Variants in CLSTN2 observed in about 807,000 individuals in gnomAD.
The protein encoded by CLSTN2 is calsyntenin 2.
CLSTN2 carries 48 observed loss-of-function variants against 101.2 expected under a neutral mutation model. The ratio of observed to expected loss-of-function variants is 0.47; its 90% CI spans 0.38 to 0.60. CLSTN2 has a LOEUF of 0.60. CLSTN2 is among the 20% of genes least tolerant of loss of function. The pLI is 0.00. For missense variants in CLSTN2, 1,160 were observed against 1,238.2 expected (o/e 0.94, Z 0.95); for synonymous variants, 481 against 463.6 (o/e 1.04, Z -0.48).
intron 2 of CLSTN2, among the ~76,000 whole-genome samples, chr3:140,225,001 CGCCA>C (rs1320993460): frequency 6.6e-6 from 1 of 152,228 alleles, no homozygotes; most frequent in Non-Finnish European, 1.5e-5. Context: ...CCAGCAAGTG[CGCCA>C]GCCAGCCCTC....
intron 2 of CLSTN2, among the ~76,000 whole-genome samples, chr3:140,302,536 T>C (rs2087069880): frequency 6.6e-6 from 1 of 152,224 alleles, no homozygotes; most frequent in Non-Finnish European, 1.5e-5. Flanking sequence ...TAGGAGCTCT[T>C]TGAAAAATAT....
chr3:140,250,293 G>A (rs60765002), intron 2 of CLSTN2, among the ~76,000 whole-genome samples: 4,617 of 152,240 alleles, frequency 0.03, 149 homozygotes, highest in African/African-American at 0.074. Flanking sequence ...AGAGTAAACC[G>A]GATATGGTCC....
chr3:140,171,844 A>G lies in CLSTN2; in HGVS notation c.110-4107A>G, dbSNP rs1342011361. Among the ~76,000 whole-genome samples, 4 of 112,912 alleles carry G rather than the reference A, an allele frequency of 3.5e-5. No homozygotes were observed. In the South Asian group the frequency reaches 6.9e-4, roughly 20 times the overall value. The allele number at this position is 112,912 out of a possible 152,430, so 74.1% of individuals were successfully genotyped here. Reference sequence around the variant, plus strand: ...ATTATATATAATAACAATATATAATATAATATATATATTATATAATAACAA... The same window carrying G: ...ATTATATATAATAACAATATATAATGTAATATATATATTATATAATAACAA... On this transcript the variant is annotated intron_variant, in intron 1 of 16. Transcript: ENST00000458420.
intron 2 of CLSTN2, among the ~76,000 whole-genome samples, chr3:140,205,764 C>G (rs1023636020): frequency 6.6e-6 from 1 of 152,116 alleles, no homozygotes; most frequent in African/African-American, 2.4e-5. Flanking sequence ...ACCATGTCAC[C>G]AAAGGGCGAT....
Position 140,562,360 on chromosome 3 carries a change from C to A in CLSTN2, c.2212+52C>A. ...CCCAAGGGTGTCCTCTTAGAATGTC[C>A]TTGTCCAGGGAGACATGAGTGAGAT... On this transcript the variant is annotated intron_variant, in intron 13 of 16. Transcript: ENST00000458420. The A allele has an allele frequency of 2.0e-6, 3 of 1,532,192 alleles. No individual in the cohort carries two copies. In the South Asian group the frequency reaches 3.6e-5, roughly 18 times the overall value. 94.9% of individuals were successfully genotyped at this position (1,532,192 alleles called of 1,614,324 possible).
chr3:140,534,601 G>C lies in CLSTN2; in HGVS notation c.1507+2115G>C, dbSNP rs551288609. On this transcript the variant is annotated intron_variant, in intron 9 of 16. Transcript: ENST00000458420. ...CCGCCTTATCCACAGTCAGTAGACA[G>C]AGCAGCCACATTGCATGGCTGGATA... is the stretch of plus-strand genomic sequence containing the variant. Among the ~76,000 whole-genome samples, 316 of 152,348 alleles carry C rather than the reference G, an allele frequency of 2.1e-3. 2 individuals carry two copies. The highest frequency in any genetic ancestry group is 6.6e-3 in the African/African-American group (274 of 41,578).
chr3:140,075,766 A>G (rs1444296839), intron 1 of CLSTN2, among the ~76,000 whole-genome samples: 1 of 151,946 alleles, frequency 6.6e-6, no homozygotes. Context: ...TTTTGCCTCT[A>G]CCTTCTCCGC....
chr3:139,971,098 A>G (rs76965150), intron 1 of CLSTN2, among the ~76,000 whole-genome samples: 2,138 of 152,330 alleles, frequency 0.014, 22 homozygotes, highest in Non-Finnish European at 0.02. Flanking sequence ...AATAGCTATT[A>G]GTAGTCCTTT....
intron 2 of CLSTN2, among the ~76,000 whole-genome samples, chr3:140,211,172 G>A (rs1486616916): frequency 6.6e-6 from 1 of 151,990 alleles, no homozygotes; most frequent in East Asian, 2.0e-4. Flanking sequence ...CCATCTCTGT[G>A]CTCAGTAGCA....
At chr3:139,973,160 T>C (rs1471854822) in intron 1 of CLSTN2, among the ~76,000 whole-genome samples, 1 of 152,216 alleles carries the variant, frequency 6.6e-6, no homozygotes, top group East Asian at 1.9e-4. Context: ...CTTGATCCTA[T>C]AGCCCTAGGT....
intron 1 of CLSTN2, among the ~76,000 whole-genome samples, chr3:140,051,971 G>A (rs1268524820): frequency 6.6e-6 from 1 of 152,252 alleles, no homozygotes; most frequent in South Asian, 2.1e-4. Flanking sequence ...CTGAGCTGCT[G>A]GTCTGGGAAC....
intron 2 of CLSTN2, among the ~76,000 whole-genome samples, chr3:140,342,734 TG>T (rs1173628262): frequency 6.6e-6 from 1 of 152,122 alleles, no homozygotes; most frequent in Non-Finnish European, 1.5e-5. Flanking sequence ...AACCAGGAAC[TG>T]GAATTGTCCA....
chr3:140,054,674 A>T (rs1261754987), intron 1 of CLSTN2, among the ~76,000 whole-genome samples: 1 of 152,242 alleles, frequency 6.6e-6, no homozygotes, highest in East Asian at 1.9e-4. Flanking sequence ...TGGGCCATGT[A>T]TAGGACAAGC....
chr3:139,949,658 G>C (rs565925955), intron 1 of CLSTN2, among the ~76,000 whole-genome samples: 1 of 152,172 alleles, frequency 6.6e-6, no homozygotes, highest in East Asian at 1.9e-4. Flanking sequence ...AATTACCTTT[G>C]CTATCAGTGA....
intron 1 of CLSTN2, among the ~76,000 whole-genome samples, chr3:140,099,676 G>C (rs976845377): frequency 2.0e-5 from 3 of 152,150 alleles, no homozygotes; most frequent in Non-Finnish European, 4.4e-5. Flanking sequence ...CTGTCTGCAA[G>C]ACAGAGTGAG....
chr3:140,504,841 T>C (rs1934652678), intron 8 of CLSTN2, among the ~76,000 whole-genome samples: 1 of 152,168 alleles, frequency 6.6e-6, no homozygotes, highest in Admixed American at 6.5e-5. Context: ...GTGGCATTTG[T>C]TTTGTTTTGA....
intron 8 of CLSTN2, among the ~76,000 whole-genome samples, chr3:140,474,962 T>C (rs1283444761): frequency 1.6e-5 from 2 of 128,824 alleles, no homozygotes; most frequent in African/African-American, 2.5e-5. Flanking sequence ...AAGCCCCCAC[T>C]ACACGCAATG....
At chr3:140,011,357 G>A (rs2107751333) in intron 1 of CLSTN2, among the ~76,000 whole-genome samples, 1 of 152,290 alleles carries the variant, frequency 6.6e-6, no homozygotes, top group South Asian at 2.1e-4. Context: ...CAGCAGCAAA[G>A]GGTAGGGGGA....
At chr3:140,354,656 A>T (rs1576529289) in intron 2 of CLSTN2, among the ~76,000 whole-genome samples, 2 of 152,166 alleles carry the variant, frequency 1.3e-5, no homozygotes. Flanking sequence ...GCATGTCTGG[A>T]CTTTAATGGG....
Sources: allele counts gnomAD v4.1 joint callset (sites outside exome capture counted in the v4.1 genomes callset), GRCh38; gene constraint gnomAD v4.1.1; transcripts MANE v1.5; gene names NCBI Gene and HGNC (gene_info 2026-07-23, HGNC 2026-07-21).